COL22A1: variants seen among roughly 807,000 people sequenced by gnomAD.
COL22A1 encodes the protein collagen alpha-1(XXII) chain.
Under a neutral mutation model 248.9 loss-of-function variants are expected in COL22A1, and 221 were observed. That is an observed-to-expected ratio of 0.89 (90% confidence interval 0.80 to 0.99). The LOEUF (loss-of-function observed/expected upper bound fraction) is 0.99, where lower values mean the gene tolerates loss of function less well. Among genes scored for constraint, COL22A1 ranks in the 50% least tolerant of loss-of-function variants. The pLI is 0.00. For synonymous variants in COL22A1, 891 were observed against 793.4 expected, an observed-to-expected ratio of 1.12 and a Z score of -2.07; for missense variants, 2,240 against 2,179.0, an observed-to-expected ratio of 1.03 and a Z score of -0.56.
At chr8:138,670,108 A>G (rs1272437354) in intron 41 of COL22A1, among the ~76,000 whole-genome samples, 1 of 152,054 alleles carries the variant, frequency 6.6e-6, no homozygotes, top group Non-Finnish European at 1.5e-5. Flanking sequence ...GCTGGTCTTG[A>G]ACCCCTGACC....
At chr8:138,674,761 G>A (rs1436339598) in intron 41 of COL22A1, among the ~76,000 whole-genome samples, 1 of 152,142 alleles carries the variant, frequency 6.6e-6, no homozygotes, top group Non-Finnish European at 1.5e-5. Flanking sequence ...TTACGGGTCT[G>A]CAGTTTCACT....
At chr8:138,606,492 G>A (rs369002255) in intron 57 of COL22A1, 40 bp from the exon 58 acceptor site, 70 of 1,591,432 alleles carry the variant, frequency 4.4e-5, no homozygotes, top group Middle Eastern at 1.7e-4. Context: ...TCAAGGTCAC[G>A]TACCAACTCA....
chr8:138,676,888 T>C (rs1272689619), intron 40 of COL22A1, among the ~76,000 whole-genome samples: 1 of 152,202 alleles, frequency 6.6e-6, no homozygotes, highest in Non-Finnish European at 1.5e-5. Context: ...ACCATGGCTC[T>C]AAATGTGATT....
chr8:138,718,146 T>A (rs1174922501), intron 27 of COL22A1, among the ~76,000 whole-genome samples: 1 of 151,974 alleles, frequency 6.6e-6, no homozygotes, highest in Non-Finnish European at 1.5e-5. Context: ...TAATTAAAAG[T>A]GTGGCTTAGT....
chr8:138,802,832 C>G (rs1203000600), intron 11 of COL22A1, 40 bp downstream of exon 11: 1 of 1,553,180 alleles, frequency 6.4e-7, no homozygotes, highest in Non-Finnish European at 8.9e-7. Context: ...CCACGCCCGC[C>G]CTGAGGTTCA....
chr8:138,788,688 T>A (rs1815759849), intron 12 of COL22A1, among the ~76,000 whole-genome samples: 2 of 152,154 alleles, frequency 1.3e-5, no homozygotes, highest in South Asian at 4.1e-4. Context: ...GCTGGTCGCC[T>A]CTGGGAATAA....
chr8:138,642,660 C>A (rs903408002), intron 47 of COL22A1, among the ~76,000 whole-genome samples: 1 of 152,164 alleles, frequency 6.6e-6, no homozygotes, highest in African/African-American at 2.4e-5. Flanking sequence ...CAGGCTTGGG[C>A]TGAAGGAGAA....
chr8:138,814,544 G>T (rs566162944), intron 7 of COL22A1, among the ~76,000 whole-genome samples: 3 of 152,280 alleles, frequency 2.0e-5, no homozygotes, highest in Non-Finnish European at 4.4e-5. Flanking sequence ...TAGGGTGGCT[G>T]CAAACACTAG....
At chr8:138,712,789 T>C (rs1375032541) in intron 30 of COL22A1, among the ~76,000 whole-genome samples, 2 of 39,722 alleles carry the variant, frequency 5.0e-5, no homozygotes, top group Admixed American at 2.4e-4. Context: ...GTTCTATCAG[T>C]AGAGGGTATG....
chr8:138,755,450 C>T lies in COL22A1; in HGVS notation c.1977+32G>A, dbSNP rs1407019430. ...TTTCTGTTTCTGCTGTGACCTAAAT[C>T]CCCATGAGAAGAAGACGCGTGTGCC... On this transcript the variant is annotated intron_variant, in intron 20 of 64. Transcript: ENST00000303045. 7 of 1,606,500 alleles carry T rather than the reference C, an allele frequency of 4.4e-6. No homozygotes were observed. The Admixed American group carries it at 1.2e-4, about 27-fold the overall frequency.
chr8:138,722,874 A>C (rs1306375572), intron 25 of COL22A1, among the ~76,000 whole-genome samples: 190 of 37,114 alleles, frequency 5.1e-3, no homozygotes, highest in Non-Finnish European at 5.4e-3. Flanking sequence ...TGGAAAACAC[A>C]CCCTGGGGCC....
Position 138,598,716 on chromosome 8 carries a change from T to C in COL22A1, c.4365+3A>G. 6.2e-7 allele frequency: 1 copy of C among 1,612,362 alleles called. No individual in the cohort carries two copies. Among genetic ancestry groups the C allele is most frequent in the Non-Finnish European group, 8.5e-7 (1 of 1,179,524 alleles). Reference sequence around the variant, plus strand: ...GAGTCCAAAGCCATATTAGCATCCTTACCCTCAGTCCTGGAAATCCCGGCT... The same window carrying C: ...GAGTCCAAAGCCATATTAGCATCCTCACCCTCAGTCCTGGAAATCCCGGCT... On this transcript the variant is annotated splice_donor_region_variant and intron_variant, in intron 61 of 64. Coordinates refer to ENST00000303045, the MANE Select transcript of COL22A1 (RefSeq NM_152888.3).
At chr8:138,788,100 G>T (rs1199322687) in intron 12 of COL22A1, among the ~76,000 whole-genome samples, 1 of 152,168 alleles carries the variant, frequency 6.6e-6, no homozygotes, top group Non-Finnish European at 1.5e-5. Context: ...CTGGGCAGTG[G>T]TTCTGAAAGC....
At chr8:138,737,237 C>T (rs1202962912) in intron 23 of COL22A1, among the ~76,000 whole-genome samples, 3 of 152,312 alleles carry the variant, frequency 2.0e-5, no homozygotes, top group African/African-American at 4.8e-5. Flanking sequence ...GGTCCCCCTT[C>T]GCCTCCCAGC....
At chr8:138,819,308 T>C (rs1288512856) in intron 7 of COL22A1, among the ~76,000 whole-genome samples, 6 of 152,038 alleles carry the variant, frequency 3.9e-5, no homozygotes, top group South Asian at 2.1e-4. Context: ...ATACAAAATA[T>C]GTAAAGGTTA....
At chr8:138,775,491 C>T (rs765333743) in intron 16 of COL22A1, among the ~76,000 whole-genome samples, 5 of 152,182 alleles carry the variant, frequency 3.3e-5, no homozygotes, top group Admixed American at 6.5e-5. Context: ...CAGTTCACAA[C>T]GTTTGGTGAC....
chr8:138,904,436 G>A (rs545810315), intron 1 of COL22A1, among the ~76,000 whole-genome samples: 1 of 152,192 alleles, frequency 6.6e-6, no homozygotes, highest in African/African-American at 2.4e-5. Context: ...ATGGGAGGAT[G>A]CACACAAGAG....
Position 138,677,214 on chromosome 8 carries a change from T to C in COL22A1, c.3073-579A>G, listed in dbSNP as rs77472330. 7.9e-3 allele frequency among the ~76,000 whole-genome samples: 1,205 copies of C among 152,344 alleles called. 13 individuals carry two copies. Among genetic ancestry groups the C allele is most frequent in the Non-Finnish European group, 0.013 (874 of 68,030 alleles). The stretch of plus-strand genomic sequence containing the variant: ...ATTTAAGTTCTGGTTTCAACACCTA[T>C]TAACTGTTAACTTAGGAAAGTGATG... On this transcript the variant is annotated intron_variant, in intron 40 of 64. Coordinates refer to ENST00000303045, the MANE Select transcript of COL22A1 (RefSeq NM_152888.3).
intron 12 of COL22A1, among the ~76,000 whole-genome samples, chr8:138,792,427 C>G (rs2131587454): frequency 6.6e-6 from 1 of 152,360 alleles, no homozygotes; most frequent in Middle Eastern, 3.4e-3. Flanking sequence ...AGCAACCGAT[C>G]TGTCTCAGGG....
Sources: allele counts gnomAD v4.1 joint callset (sites outside exome capture counted in the v4.1 genomes callset), GRCh38; gene constraint gnomAD v4.1.1; transcripts MANE v1.5; gene names NCBI Gene and HGNC (gene_info 2026-07-23, HGNC 2026-07-21).